The following TOMM70 variants were observed in gnomAD, a reference collection of about 807,000 sequenced individuals.
TOMM70 encodes translocase of outer mitochondrial membrane 70, also known as mitochondrial import receptor subunit TOM70.
A neutral mutation model predicts 73.6 loss-of-function variants in TOMM70; 13 were observed. That is an observed-to-expected ratio of 0.18 (90% confidence interval 0.11 to 0.28). The LOEUF is 0.28. Ranked by LOEUF, TOMM70 falls within the 10% of genes least tolerant of loss-of-function variation. TOMM70 has a pLI of 1.00. For missense variants in TOMM70, 609 were observed against 747.5 expected, an observed-to-expected ratio of 0.81 and a Z score of 2.16; for synonymous variants, 257 against 271.2, an observed-to-expected ratio of 0.95 and a Z score of 0.51.
intron 9 of TOMM70, among the ~76,000 whole-genome samples, chr3:100,371,778 G>T (rs1706512520): frequency 6.6e-6 from 1 of 152,202 alleles, no homozygotes; most frequent in Non-Finnish European, 1.5e-5. Context: ...ATGGTTTTGG[G>T]ATGAAACTGT....
chr3:100,393,885 G>A (rs1216945675), intron 1 of TOMM70, among the ~76,000 whole-genome samples: 1 of 152,054 alleles, frequency 6.6e-6, no homozygotes, highest in African/African-American at 2.4e-5. Flanking sequence ...ACTCCAGGAA[G>A]GAAAAATAAC....
chr3:100,365,733 T>G lies in TOMM70; in HGVS notation c.1674-16A>C. The G allele has an allele frequency of 6.2e-7, 1 of 1,613,302 alleles. No individual in the cohort carries two copies. The highest frequency in any genetic ancestry group is 8.5e-7 in the Non-Finnish European group (1 of 1,179,420). On this transcript the variant is annotated splice_polypyrimidine_tract_variant and intron_variant, in intron 11 of 11. Coordinates refer to ENST00000284320, the MANE Select transcript of TOMM70 (RefSeq NM_014820.5). The stretch of plus-strand genomic sequence containing the variant: ...CATGTTTCCTCTAAAAGAACAAAAT[T>G]TTTAAGTCTCAGATTCAACAAGCAC...
intron 1 of TOMM70, among the ~76,000 whole-genome samples, chr3:100,390,644 C>T (rs1283544307): frequency 2.0e-5 from 3 of 152,112 alleles, no homozygotes; most frequent in Non-Finnish European, 2.9e-5. Flanking sequence ...CTGACCAACA[C>T]GGTGAAACCC....
intron 4 of TOMM70, among the ~76,000 whole-genome samples, chr3:100,382,403 T>G (rs1360845633): frequency 6.6e-6 from 1 of 152,178 alleles, no homozygotes; most frequent in Non-Finnish European, 1.5e-5. Context: ...AAGTAAATTA[T>G]TTAATCTAGG....
At chr3:100,372,755 A>G in intron 8 of TOMM70, 33 bp from the exon 9 acceptor site, 3 of 1,546,500 alleles carry the variant, frequency 1.9e-6, no homozygotes, top group Non-Finnish European at 2.7e-6. Flanking sequence ...TGTCAAATCA[A>G]GAACTCAAAA....
rs760841775 is a variant in TOMM70, at chr3:100,375,081, T to C, written c.1164A>G (p.Gln388=). The C allele has an allele frequency of 9.9e-6, 16 of 1,610,344 alleles. No homozygotes were observed. The highest frequency in any genetic ancestry group is 2.2e-5 in the East Asian group (1 of 44,592). Residue 388 remains glutamine (Q), a synonymous_variant, in exon 7 of 12, where the codon CAA becomes CAG. Coordinates refer to ENST00000284320, the MANE Select transcript of TOMM70 (RefSeq NM_014820.5). The stretch of plus-strand genomic sequence containing the variant: ...CGATGTCAGCAGCCATGTTAAAATC[T>C]TGAGTGGACAGCAAAGGCTGCTGCT... ...MQQQQPLLST[Q]DFNMAADIDP...
chr3:100,394,393 C>G (rs1211659888), intron 1 of TOMM70, among the ~76,000 whole-genome samples: 3 of 118,264 alleles, frequency 2.5e-5, no homozygotes, highest in Non-Finnish European at 4.7e-5. Context: ...TAGAGTTTTG[C>G]TCTGTCGCCC....
At chr3:100,390,282 G>A (rs949173695) in intron 1 of TOMM70, among the ~76,000 whole-genome samples, 2 of 152,120 alleles carry the variant, frequency 1.3e-5, no homozygotes, top group African/African-American at 4.8e-5. Flanking sequence ...ACAAACAACC[G>A]TCAATCTCGC....
At chr3:100,386,100 A>G (rs1706688903) in intron 3 of TOMM70, 118 bp downstream of exon 3, 3 of 1,173,062 alleles carry the variant, frequency 2.6e-6, no homozygotes, top group Non-Finnish European at 3.5e-6. Flanking sequence ...TTAAGTGCAA[A>G]GGAATCCAAC....
chr3:100,400,877 C>T lies in TOMM70; in HGVS notation c.73G>A (p.Gly25Ser), dbSNP rs1421608559. 6.5e-7 allele frequency: 1 copy of T among 1,528,302 alleles called. No homozygotes were observed. Among genetic ancestry groups the T allele is most frequent in the South Asian group, 1.2e-5 (1 of 83,742 alleles). 94.7% of individuals were successfully genotyped at this position (1,528,302 alleles called of 1,614,324 possible). Residue 25 changes from glycine to serine, a missense_variant, in exon 1 of 12, where the codon GGC becomes AGC. Physicochemically the swap from Gly to Ser is moderately conservative, Grantham distance 56. This residue lies in a region of TOMM70 where 177 missense variants were observed against 163.5 expected (regional missense o/e 1.08). Transcript: ENST00000284320. The part of the protein sequence containing the change: ...AVPSSGSGVG[G>S]GGTAGPGTGG... ...GTGCCCGGGCCCGCAGTCCCGCCGC[C>T]GCCCACCCCACTCCCGGAGCTCGGT...
chr3:100,386,752 T>G, intron 2 of TOMM70, 53 bp downstream of exon 2: 1 of 1,565,904 alleles, frequency 6.4e-7, no homozygotes, highest in Non-Finnish European at 8.6e-7. Context: ...ACTGAAACTT[T>G]AAGCAAATAA....
At chr3:100,391,029 T>C (rs897637560) in intron 1 of TOMM70, among the ~76,000 whole-genome samples, 2 of 151,700 alleles carry the variant, frequency 1.3e-5, no homozygotes, top group Non-Finnish European at 2.9e-5. Context: ...TAGTCCCAGC[T>C]ACTCAGGAGG....
In TOMM70 at chr3:100,375,018, C is replaced by T; in HGVS notation, c.1227G>A (p.Gln409=). The change falls in exon 7 of 12, where the codon CAG becomes CAA. Residue 409 remains glutamine (Q), a splice_region_variant and synonymous_variant. Transcript: ENST00000284320. ...CCTCTAGGTAAGAAAACAGACTTAC[C>T]TGTCCTCGGTGGTGATAAACATCTG... is the stretch of plus-strand genomic sequence containing the variant. ...QNADVYHHRG[Q]LKILLDQVEE... 6.3e-7 allele frequency: 1 copy of T among 1,596,802 alleles called. No homozygotes were observed. The highest frequency in any genetic ancestry group is 2.3e-5 in the East Asian group (1 of 43,944).
At chr3:100,378,484 G>A (rs1034707643) in intron 5 of TOMM70, among the ~76,000 whole-genome samples, 1 of 152,062 alleles carries the variant, frequency 6.6e-6, no homozygotes, top group Non-Finnish European at 1.5e-5. Flanking sequence ...CAGAGTCCTG[G>A]GTAATACCTC....
intron 9 of TOMM70, chr3:100,372,395 A>G: frequency 2.5e-6 from 1 of 398,816 alleles, no homozygotes; most frequent in Non-Finnish European, 4.4e-6. Flanking sequence ...GCTTCCCCAT[A>G]TTGAGTTTAG....
chr3:100,365,510 A>G lies in TOMM70; in HGVS notation c.*54T>C, dbSNP rs1706439013. 1 of 1,608,776 alleles carries G rather than the reference A, an allele frequency of 6.2e-7. No individual in the cohort carries two copies. The highest frequency in any genetic ancestry group is 1.3e-5 in the African/African-American group (1 of 74,892). On this transcript the variant is annotated 3_prime_UTR_variant, in exon 12 of 12. Coordinates refer to ENST00000284320, the MANE Select transcript of TOMM70 (RefSeq NM_014820.5). ...GTTCATGACAGTGTCTTTAGGGTTC[A>G]GTTGAAGAGGGGGTAAACTTTTAAA...
chr3:100,366,758 GT>G (rs1706451274), intron 11 of TOMM70, among the ~76,000 whole-genome samples: 2 of 152,162 alleles, frequency 1.3e-5, no homozygotes, highest in African/African-American at 2.4e-5. Context: ...CCTATCAGAG[GT>G]CTTTAGTTAA....
chr3:100,376,413 A>G (rs769723171), intron 6 of TOMM70, among the ~76,000 whole-genome samples: 1 of 133,772 alleles, frequency 7.5e-6, no homozygotes, highest in Admixed American at 7.5e-5. Context: ...CCCAGGCTGG[A>G]GTACAGTGGC....
At chr3:100,385,893 C>T (rs1314747089) in intron 3 of TOMM70, among the ~76,000 whole-genome samples, 1 of 152,094 alleles carries the variant, frequency 6.6e-6, no homozygotes, top group Non-Finnish European at 1.5e-5. Flanking sequence ...ATATGTAGAA[C>T]CTTAGAAACA....
Sources: gnomAD v4.1 joint callset for allele counts (sites outside exome capture counted in the v4.1 genomes callset) on GRCh38, gnomAD v4.1.1 for gene constraint, gnomAD v4.1.1 regional missense constraint, MANE v1.5 for transcripts, NCBI Gene and HGNC (gene_info 2026-07-23, HGNC 2026-07-21) for gene names.